Variants in GAPVD1 observed in about 807,000 individuals in gnomAD.
The protein encoded by GAPVD1 is GTPase-activating protein and VPS9 domain-containing protein 1.
In GAPVD1, 35 loss-of-function variants were observed where a neutral mutation model predicts 155.5. That is an observed-to-expected ratio of 0.23 (90% CI 0.17 to 0.30). The LOEUF is 0.30. Ranked by LOEUF, GAPVD1 falls within the 10% of genes least tolerant of loss-of-function variation. GAPVD1 has a pLI of 1.00. For missense variants in GAPVD1, 1,429 were observed against 1,775.7 expected, an observed-to-expected ratio of 0.80 and a Z score of 3.51; for synonymous variants, 636 against 619.7, an observed-to-expected ratio of 1.03 and a Z score of -0.39.
At chr9:125,266,458 C>G (rs1212921709) in intron 1 of GAPVD1, among the ~76,000 whole-genome samples, 1 of 151,918 alleles carries the variant, frequency 6.6e-6, no homozygotes, top group Non-Finnish European at 1.5e-5. Context: ...GGACTACAGG[C>G]GCCCGCCACC....
rs750577421 is a variant in GAPVD1, at chr9:125,302,215, T to C, written c.418T>C (p.Cys140Arg). The C allele has an allele frequency of 6.2e-7, 1 of 1,613,724 alleles. No homozygotes were observed. The highest frequency in any genetic ancestry group is 1.7e-5 in the Admixed American group (1 of 59,994). Residue 140 changes from cysteine to arginine, a missense_variant, in exon 5 of 28, where the codon TGC (cysteine) becomes CGC (arginine). Around this residue, in one of 4 missense-constraint regions of GAPVD1, gnomAD observed 628 missense variants for 733.4 expected, o/e 0.86. Transcript: ENST00000297933. ...AGTTTTTACCTCCCTGTATGGCAAT[T>C]GCATCATGCAAGAAGATGAAAGCTA... ...YTVFTSLYGN[C>R]IMQEDESYLL... is the part of the protein sequence containing the mutation.
chr9:125,354,047 A>G (rs940593854), intron 23 of GAPVD1, among the ~76,000 whole-genome samples: 3 of 152,218 alleles, frequency 2.0e-5, no homozygotes, highest in Admixed American at 1.3e-4. Context: ...AGGAAAGCCT[A>G]CTTTCCTGGA....
chr9:125,268,203 CCCA>C (rs1834297687), intron 1 of GAPVD1, among the ~76,000 whole-genome samples: 1 of 147,622 alleles, frequency 6.8e-6, no homozygotes, highest in African/African-American at 2.5e-5. Context: ...AACCCCCCCC[CCCA>C]AAAAAAAACC....
At chr9:125,316,496 A>G (rs1843443610) in intron 9 of GAPVD1, among the ~76,000 whole-genome samples, 1 of 152,224 alleles carries the variant, frequency 6.6e-6, no homozygotes. Flanking sequence ...GTATCCCTGC[A>G]AAGGACATGA....
chr9:125,278,571 A>G (rs1032255950), intron 2 of GAPVD1, among the ~76,000 whole-genome samples: 2 of 151,910 alleles, frequency 1.3e-5, no homozygotes, highest in African/African-American at 4.8e-5. Flanking sequence ...AAGGTGGTTC[A>G]TGCCTGTAAT....
intron 2 of GAPVD1, among the ~76,000 whole-genome samples, chr9:125,294,053 C>T (rs977429436): frequency 8.6e-5 from 13 of 150,692 alleles, no homozygotes; most frequent in Admixed American, 4.0e-4. Context: ...GCTGGGACTA[C>T]GGGTGTGCAC....
intron 20 of GAPVD1, among the ~76,000 whole-genome samples, chr9:125,348,676 T>C (rs1848876610): frequency 6.6e-6 from 1 of 152,110 alleles, no homozygotes; most frequent in Non-Finnish European, 1.5e-5. Context: ...CATACGTGGC[T>C]GATTTTTGTA....
chr9:125,322,168 CAT>C (rs1461216085), intron 10 of GAPVD1, among the ~76,000 whole-genome samples: 1 of 152,024 alleles, frequency 6.6e-6, no homozygotes, highest in Non-Finnish European at 1.5e-5. Flanking sequence ...GGGTTCACGC[CAT>C]TCTCCTGCCT....
intron 9 of GAPVD1, among the ~76,000 whole-genome samples, chr9:125,319,226 T>C (rs1341206612): frequency 1.3e-5 from 2 of 151,416 alleles, no homozygotes; most frequent in African/African-American, 4.8e-5. Context: ...TGAAAAAAAT[T>C]AGCTGGGCTT....
At chr9:125,283,497 C>A (rs1259892141) in intron 2 of GAPVD1, among the ~76,000 whole-genome samples, 1 of 152,016 alleles carries the variant, frequency 6.6e-6, no homozygotes, top group East Asian at 1.9e-4. Context: ...TAGCTGACAC[C>A]ACAGGCGTAC....
chr9:125,316,318 T>C (rs374266573), intron 9 of GAPVD1, among the ~76,000 whole-genome samples: 4 of 152,088 alleles, frequency 2.6e-5, no homozygotes, highest in Non-Finnish European at 5.9e-5. Flanking sequence ...CCTAATGATA[T>C]CCCTCCCCTA....
intron 12 of GAPVD1, 80 bp downstream of exon 12, chr9:125,326,669 T>C: frequency 1.1e-6 from 1 of 952,288 alleles, no homozygotes; most frequent in Admixed American, 1.8e-5. Context: ...GGAGCACCAG[T>C]GCCCTGACAA....
chr9:125,345,654 T>A (rs556004868), intron 19 of GAPVD1, among the ~76,000 whole-genome samples: 1 of 152,330 alleles, frequency 6.6e-6, no homozygotes, highest in East Asian at 1.9e-4. Context: ...GCATGCTACT[T>A]AAGCTGTCTA....
At chr9:125,269,625 A>G (rs1422372338) in intron 2 of GAPVD1, among the ~76,000 whole-genome samples, 2 of 146,538 alleles carry the variant, frequency 1.4e-5, no homozygotes, top group Non-Finnish European at 3.0e-5. Context: ...AGGTTTCACC[A>G]TGTTGGCTAG....
At chr9:125,354,939 G>A (rs1046829992) in intron 24 of GAPVD1, 98 bp downstream of exon 24, 2 of 772,916 alleles carry the variant, frequency 2.6e-6, no homozygotes, top group Non-Finnish European at 4.3e-6. Context: ...TCAAGTATCT[G>A]CATGCCTTAA....
At chr9:125,323,375 G>C (rs1844678047) in intron 10 of GAPVD1, among the ~76,000 whole-genome samples, 2 of 150,750 alleles carry the variant, frequency 1.3e-5, no homozygotes, top group Non-Finnish European at 1.5e-5. Context: ...GCGCGATCTC[G>C]GCCCACTGCA....
chr9:125,315,166 T>C (rs1370375910), intron 9 of GAPVD1, among the ~76,000 whole-genome samples: 3 of 152,120 alleles, frequency 2.0e-5, no homozygotes, highest in East Asian at 1.9e-4. Context: ...GTTTTAGTGA[T>C]TGATAAAGTG....
intron 1 of GAPVD1, among the ~76,000 whole-genome samples, chr9:125,266,011 G>A (rs1833890844): frequency 6.7e-6 from 1 of 150,044 alleles, no homozygotes; most frequent in South Asian, 2.1e-4. Context: ...TGGTATAGCT[G>A]CTTTTGAAGA....
At chr9:125,294,428 C>G (rs1162828168) in intron 2 of GAPVD1, among the ~76,000 whole-genome samples, 7 of 150,416 alleles carry the variant, frequency 4.7e-5, no homozygotes, top group African/African-American at 1.7e-4. Flanking sequence ...CTCACTGCAA[C>G]CTTCACCTCT....
Sources: gnomAD v4.1 joint callset for allele counts (sites outside exome capture counted in the v4.1 genomes callset) on GRCh38, gnomAD v4.1.1 for gene constraint, gnomAD v4.1.1 regional missense constraint, MANE v1.5 for transcripts, NCBI Gene and HGNC (gene_info 2026-07-23, HGNC 2026-07-21) for gene names.